The following CNTNAP2 variants were observed in gnomAD, a reference collection of about 807,000 sequenced individuals.
The protein encoded by CNTNAP2 is contactin associated protein 2.
CNTNAP2 carries 98 observed loss-of-function variants against 155.2 expected under a neutral mutation model. That is an observed-to-expected ratio of 0.63 (90% CI 0.54 to 0.75). The LOEUF (loss-of-function observed/expected upper bound fraction) is 0.75. Among genes scored for constraint, CNTNAP2 ranks in the 30% least tolerant of loss-of-function variants. The pLI, the probability that CNTNAP2 is intolerant of heterozygous loss-of-function variation, is 0.00. For synonymous variants in CNTNAP2, 651 were observed against 631.2 expected (o/e 1.03, Z -0.47); for missense variants, 1,727 against 1,688.1 (o/e 1.02, Z -0.40).
chr7:147,221,669 C>T (rs1803404791), intron 8 of CNTNAP2, among the ~76,000 whole-genome samples: 1 of 152,166 alleles, frequency 6.6e-6, no homozygotes, highest in Non-Finnish European at 1.5e-5. Flanking sequence ...TCTTTACTTA[C>T]TTCTTCTTTG....
At chr7:147,031,264 A>T (rs1524348) in intron 3 of CNTNAP2, among the ~76,000 whole-genome samples, 56,410 of 152,026 alleles carry the variant, frequency 0.37, 10,646 homozygotes, top group South Asian at 0.44. Context: ...AAAATAATAT[A>T]TTTGAGTAAA....
intron 8 of CNTNAP2, among the ~76,000 whole-genome samples, chr7:147,267,304 T>A (rs1360954986): frequency 1.3e-5 from 2 of 152,154 alleles, no homozygotes; most frequent in African/African-American, 2.4e-5. Context: ...ATGAAAAGCA[T>A]GGAAATTCAA....
intron 15 of CNTNAP2, among the ~76,000 whole-genome samples, chr7:148,093,825 G>A (rs1803902910): frequency 6.6e-6 from 1 of 151,796 alleles, no homozygotes; most frequent in African/African-American, 2.4e-5. Flanking sequence ...CCCAGGCTGG[G>A]GTGCAGTGGT....
intron 1 of CNTNAP2, among the ~76,000 whole-genome samples, chr7:146,690,039 T>G (rs916679360): frequency 6.6e-6 from 1 of 151,932 alleles, no homozygotes; most frequent in Non-Finnish European, 1.5e-5. Flanking sequence ...TTAAGATAAT[T>G]TTGCAAATAG....
intron 1 of CNTNAP2, among the ~76,000 whole-genome samples, chr7:146,458,754 A>G (rs914431853): frequency 6.6e-6 from 1 of 152,124 alleles, no homozygotes; most frequent in Non-Finnish European, 1.5e-5. Context: ...ATTGCCCTCC[A>G]TAATGTCTGT....
intron 12 of CNTNAP2, among the ~76,000 whole-genome samples, chr7:147,627,358 T>A (rs1052181951): frequency 4.3e-4 from 65 of 152,110 alleles, no homozygotes; most frequent in African/African-American, 1.4e-3. Context: ...GAAGGTTGAT[T>A]ATTAAGGTAC....
intron 8 of CNTNAP2, among the ~76,000 whole-genome samples, chr7:147,275,896 T>C (rs1282598911): frequency 6.6e-6 from 1 of 152,050 alleles, no homozygotes; most frequent in Admixed American, 6.6e-5. Context: ...TTTTGAGTGC[T>C]TTTTCTGCAC....
At chr7:147,889,427 A>G (rs936115682) in intron 13 of CNTNAP2, among the ~76,000 whole-genome samples, 9 of 152,132 alleles carry the variant, frequency 5.9e-5, no homozygotes, top group Middle Eastern at 3.2e-3. Context: ...AAGAAAGATG[A>G]TAGAAAACAA....
chr7:147,116,331 G>A (rs1422971660), intron 5 of CNTNAP2, among the ~76,000 whole-genome samples: 1 of 152,180 alleles, frequency 6.6e-6, no homozygotes, highest in Non-Finnish European at 1.5e-5. Flanking sequence ...AAAGCAGTCT[G>A]GCTGCTTTTT....
intron 1 of CNTNAP2, among the ~76,000 whole-genome samples, chr7:146,224,564 G>A (rs1349309952): frequency 2.7e-5 from 4 of 145,894 alleles, no homozygotes; most frequent in Non-Finnish European, 4.5e-5. Flanking sequence ...TGGCTAACAC[G>A]GGGAAACCCC....
At chr7:146,181,150 C>A (rs1798543909) in intron 1 of CNTNAP2, among the ~76,000 whole-genome samples, 1 of 152,134 alleles carries the variant, frequency 6.6e-6, no homozygotes, top group Non-Finnish European at 1.5e-5. Context: ...ACTTTAAGCA[C>A]TTTGGGGGAA....
intron 1 of CNTNAP2, among the ~76,000 whole-genome samples, chr7:146,684,648 A>AAAAAAAG (rs1029557678): frequency 1.3e-5 from 2 of 150,892 alleles, no homozygotes; most frequent in Non-Finnish European, 3.0e-5. Flanking sequence ...GCAAAAAAAA[A>AAAAAAAG]AAAAAAAAAA....
intron 1 of CNTNAP2, among the ~76,000 whole-genome samples, chr7:146,635,029 A>C (rs1479722033): frequency 6.6e-6 from 1 of 152,172 alleles, no homozygotes; most frequent in African/African-American, 2.4e-5. Flanking sequence ...TTCTGTAAGA[A>C]ATTACTTTGC....
intron 8 of CNTNAP2, among the ~76,000 whole-genome samples, chr7:147,171,822 A>AT (rs11374000): frequency 0.099 from 14,932 of 150,152 alleles, 765 homozygotes; most frequent in Non-Finnish European, 0.13. Context: ...TGAGTCAGGC[A>AT]TTTTTTTTTT....
intron 1 of CNTNAP2, among the ~76,000 whole-genome samples, chr7:146,277,709 G>T (rs574933273): frequency 1.3e-5 from 2 of 152,232 alleles, no homozygotes; most frequent in African/African-American, 4.8e-5. Flanking sequence ...GTAAAGAATT[G>T]TAAATAGAAA....
At chr7:146,287,964 C>A (rs546628367) in intron 1 of CNTNAP2, among the ~76,000 whole-genome samples, 85 of 152,134 alleles carry the variant, frequency 5.6e-4, no homozygotes, top group African/African-American at 1.9e-3. Flanking sequence ...ATTAAATTTT[C>A]TCTTATGTCT....
intron 10 of CNTNAP2, among the ~76,000 whole-genome samples, chr7:147,446,212 C>A (rs1437053668): frequency 6.6e-6 from 1 of 151,482 alleles, no homozygotes; most frequent in Non-Finnish European, 1.5e-5. Context: ...CCTCCCCCCA[C>A]CCCTCACTAA....
chr7:147,190,021 G>A (rs962404341), intron 8 of CNTNAP2, among the ~76,000 whole-genome samples: 30 of 152,132 alleles, frequency 2.0e-4, no homozygotes, highest in African/African-American at 7.0e-4. Context: ...TAGGATTACA[G>A]GTGTGAGCCA....
At chr7:147,981,796 T>C (rs1370900419) in intron 15 of CNTNAP2, among the ~76,000 whole-genome samples, 1 of 151,336 alleles carries the variant, frequency 6.6e-6, no homozygotes, top group African/African-American at 2.4e-5. Flanking sequence ...GGTGTGTGTG[T>C]GTGTGTGTGT....
Sources: allele counts gnomAD v4.1 joint callset (sites outside exome capture counted in the v4.1 genomes callset), GRCh38; gene constraint gnomAD v4.1.1; transcripts MANE v1.5; gene names NCBI Gene and HGNC (gene_info 2026-07-23, HGNC 2026-07-21).